IPO11: variants seen among roughly 807,000 people sequenced by gnomAD.
IPO11 encodes importin 11.
A neutral mutation model predicts 143.2 loss-of-function variants in IPO11; 66 were observed. That is an observed-to-expected ratio of 0.46 (90% CI 0.38 to 0.57). IPO11 has a LOEUF of 0.57. Among genes scored for constraint, IPO11 ranks in the 20% least tolerant of loss-of-function variants. IPO11 has a pLI of 0.00. For synonymous variants in IPO11, 385 were observed against 377.8 expected (o/e 1.02, Z -0.22); for missense variants, 1,026 against 1,141.0 (o/e 0.90, Z 1.45).
intron 7 of IPO11, 136 bp downstream of exon 7, chr5:62,470,444 CT>C: frequency 1.3e-6 from 1 of 747,544 alleles, no homozygotes; most frequent in Non-Finnish European, 2.3e-6. Context: ...ACCATTCTGA[CT>C]TTTAGACTTC....
At chr5:62,603,598 TTGCACACAC>T (rs1745588345) in intron 29 of IPO11, among the ~76,000 whole-genome samples, 1 of 152,298 alleles carries the variant, frequency 6.6e-6, no homozygotes, top group African/African-American at 2.4e-5. Context: ...CAGGGTGCAC[TTGCACACAC>T]TTACACTCAG....
intron 5 of IPO11, among the ~76,000 whole-genome samples, chr5:62,461,901 C>G (rs1274868872): frequency 6.6e-6 from 1 of 152,114 alleles, no homozygotes; most frequent in Non-Finnish European, 1.5e-5. Flanking sequence ...AATTGAAACA[C>G]TCTAGTGAGC....
chr5:62,601,831 G>C lies in IPO11; in HGVS notation c.2746G>C (p.Asp916His), dbSNP rs1361160930. The change falls in exon 29 of 30, where the codon GAT becomes CAT. Residue 916 changes from aspartate to histidine, a missense_variant. Around this residue, in one of 5 missense-constraint regions of IPO11, gnomAD observed 351 missense variants for 358.9 expected, o/e 0.98. Transcript: ENST00000325324. ...TEDEEPPTEQ[D>H]KRKKMLALKD... ...AGATGAAGAACCACCCACAGAACAA[G>C]ATAAGAGGAAAAAGATGGTAAGTTA... 6.3e-7 allele frequency: 1 copy of C among 1,589,232 alleles called. No homozygotes were observed. The highest frequency in any genetic ancestry group is 1.4e-5 in the African/African-American group (1 of 74,032).
At chr5:62,513,726 G>A (rs868396232) in intron 19 of IPO11, among the ~76,000 whole-genome samples, 4 of 149,792 alleles carry the variant, frequency 2.7e-5, no homozygotes, top group Non-Finnish European at 4.5e-5. Context: ...CTGGCCGGGT[G>A]GGGGGCTGAC....
chr5:62,494,181 C>G (rs1741046738), intron 16 of IPO11, 57 bp downstream of exon 16: 1 of 1,482,464 alleles, frequency 6.7e-7, no homozygotes, highest in African/African-American at 1.4e-5. Context: ...CTGTGCAAAT[C>G]ATCAAGTTCA....
intron 20 of IPO11, among the ~76,000 whole-genome samples, chr5:62,518,185 C>T (rs1022866892): frequency 1.3e-5 from 2 of 151,422 alleles, no homozygotes; most frequent in African/African-American, 4.9e-5. Context: ...GTGACTCACG[C>T]CTGTAATCCT....
intron 8 of IPO11, 61 bp from the exon 9 acceptor site, chr5:62,476,622 T>G: frequency 6.9e-7 from 1 of 1,445,158 alleles, no homozygotes; most frequent in South Asian, 1.4e-5. Context: ...TTGTAAAAAT[T>G]TTGATGTTGT....
intron 1 of IPO11, among the ~76,000 whole-genome samples, chr5:62,417,943 A>G (rs1390226610): frequency 3.3e-5 from 5 of 151,604 alleles, no homozygotes; most frequent in Admixed American, 1.3e-4. Context: ...CCCTCCTCCA[A>G]CTCTCCAACT....
chr5:62,455,959 A>G (rs1408317797), intron 5 of IPO11, among the ~76,000 whole-genome samples: 1 of 152,120 alleles, frequency 6.6e-6, no homozygotes, highest in Non-Finnish European at 1.5e-5. Flanking sequence ...TCCTAGCCTC[A>G]AGCGATCCAC....
At chr5:62,425,308 A>G (rs72769116) in intron 1 of IPO11, among the ~76,000 whole-genome samples, 222 of 152,220 alleles carry the variant, frequency 1.5e-3, no homozygotes, top group Non-Finnish European at 2.8e-3. Context: ...ACTGCAGACT[A>G]TTCAATTTAT....
In IPO11 at chr5:62,504,757, T is replaced by C. The variant is rs1462489999; in HGVS notation, c.1624+57T>C. 19 of 1,356,300 alleles carry C rather than the reference T, an allele frequency of 1.4e-5. No individual in the cohort carries two copies. In the Middle Eastern group the frequency reaches 8.1e-4, roughly 58 times the overall value. The allele number at this position is 1,356,300 out of a possible 1,614,324, so 84.0% of individuals were successfully genotyped here. On this transcript the variant is annotated intron_variant, in intron 17 of 29. Transcript: ENST00000325324. ...TGCAAAGAACTTTAACACTTTTAAT[T>C]ATTATTTATTTTGTGAAATTAATTT...
chr5:62,581,169 G>T, intron 27 of IPO11: 1 of 1,551,144 alleles, frequency 6.4e-7, no homozygotes, highest in Non-Finnish European at 8.7e-7. Flanking sequence ...AGTCAGCAAG[G>T]TATAATGTAA....
chr5:62,613,484 G>A (rs1427882052), intron 29 of IPO11, among the ~76,000 whole-genome samples: 1 of 151,514 alleles, frequency 6.6e-6, no homozygotes, highest in Non-Finnish European at 1.5e-5. Flanking sequence ...CATATTTTTT[G>A]TAGAGAAGAA....
At chr5:62,455,047 G>A (rs1010276607) in intron 5 of IPO11, among the ~76,000 whole-genome samples, 1 of 152,132 alleles carries the variant, frequency 6.6e-6, no homozygotes, top group Non-Finnish European at 1.5e-5. Context: ...TGTCTAATGC[G>A]GTTGAGGTAC....
At chr5:62,428,759 GCTC>G (rs1490028377) in intron 1 of IPO11, among the ~76,000 whole-genome samples, 1 of 152,078 alleles carries the variant, frequency 6.6e-6, no homozygotes, top group African/African-American at 2.4e-5. Flanking sequence ...AGACTCCTGG[GCTC>G]CTCCACACTC....
At chr5:62,483,352 C>A in intron 10 of IPO11, 59 bp downstream of exon 10, 3 of 994,496 alleles carry the variant, frequency 3.0e-6, no homozygotes, top group Non-Finnish European at 2.9e-6. Context: ...GATATAATTG[C>A]TATAATTACA....
rs770021355 is a variant in IPO11 at position 62,474,418 on chromosome 5, T to G, written c.711T>G (p.Gly237=). The change falls in exon 8 of 30, where the codon GGT becomes GGG. Residue 237 remains glycine, a splice_region_variant and synonymous_variant. Coordinates refer to ENST00000325324, the MANE Select transcript of IPO11 (RefSeq NM_016338.5). ...VEPHKNMEVM[G]FLHGIFERLK... is the part of the protein sequence containing the mutation. ...TTTAAAATAATATTCTTTTCTAGGGTTTTTTACATGGAATATTTGAACGTC... is the reference window on the plus strand; with the variant it reads ...TTTAAAATAATATTCTTTTCTAGGGGTTTTTACATGGAATATTTGAACGTC... 7 of 1,542,848 alleles carry G rather than the reference T, an allele frequency of 4.5e-6. No homozygotes were observed. The highest frequency in any genetic ancestry group is 2.6e-6 in the Non-Finnish European group (3 of 1,137,936).
intron 9 of IPO11, among the ~76,000 whole-genome samples, chr5:62,480,484 T>G (rs1746148516): frequency 1.3e-5 from 2 of 152,206 alleles, no homozygotes; most frequent in South Asian, 4.1e-4. Flanking sequence ...AAGAAAGTCA[T>G]TGGTAGCTTG....
At chr5:62,435,082 G>GTATATATATGTATATATATGTGTATATA (rs1561308691) in intron 1 of IPO11, among the ~76,000 whole-genome samples, 1 of 94,504 alleles carries the variant, frequency 1.1e-5, no homozygotes. Context: ...GTATATATAT[G>GTATATATATGTATATATATGTGTATATA]TGTATATATG....
Sources: allele counts gnomAD v4.1 joint callset (sites outside exome capture counted in the v4.1 genomes callset), GRCh38; gene constraint gnomAD v4.1.1; regional missense constraint gnomAD v4.1.1; transcripts MANE v1.5; gene names NCBI Gene and HGNC (gene_info 2026-07-23, HGNC 2026-07-21).